NCKAP5: variants seen among roughly 807,000 people sequenced by gnomAD.
NCKAP5 encodes NCK associated protein 5, also known as nck-associated protein 5.
NCKAP5 carries 92 observed loss-of-function variants against 167.0 expected under a neutral mutation model. The observed-to-expected ratio is 0.55, with a 90% confidence interval of 0.47 to 0.66. The LOEUF is 0.66. Ranked by LOEUF, NCKAP5 falls within the 30% of genes least tolerant of loss-of-function variation. The pLI, the probability that NCKAP5 is intolerant of heterozygous loss-of-function variation, is 0.00. For synonymous variants in NCKAP5, 891 were observed against 877.4 expected (o/e 1.02, Z -0.27); for missense variants, 2,378 against 2,315.0 (o/e 1.03, Z -0.56).
chr2:132,755,785 C>T (rs1206358531), intron 16 of NCKAP5, among the ~76,000 whole-genome samples: 15 of 150,644 alleles, frequency 1.0e-4, no homozygotes, highest in South Asian at 2.1e-4. Context: ...GAGCCGAGAT[C>T]GTGCCGCTAC....
intron 11 of NCKAP5, among the ~76,000 whole-genome samples, chr2:132,813,984 G>A (rs1460247269): frequency 6.6e-6 from 1 of 152,198 alleles, no homozygotes; most frequent in Non-Finnish European, 1.5e-5. Flanking sequence ...TGACTTTCGT[G>A]ATGTGCACTC....
rs1165568563 is a variant in NCKAP5, at chr2:133,330,053, CTTTTTTTTTTTTT to C, written c.70-26956_70-26944del. 2.8e-3 allele frequency among the ~76,000 whole-genome samples: 239 copies of C among 85,706 alleles called. 4 individuals are homozygous for C. Among genetic ancestry groups the C allele is most frequent in the Non-Finnish European group, 3.9e-3 (170 of 43,192 alleles). 56.2% of individuals were successfully genotyped at this position (85,706 alleles called of 152,430 possible). On this transcript the variant is annotated intron_variant, in intron 3 of 19. Coordinates refer to ENST00000409261, the MANE Select transcript of NCKAP5 (RefSeq NM_207363.3). Reference sequence around the variant, plus strand: ...GGGAATGTGGCCAAGAAAGCAAGACCTTTTTTTTTTTTTTTTTTTTTTTTTTTTTCTGAGACAG... The same window carrying C: ...GGGAATGTGGCCAAGAAAGCAAGACCTTTTTTTTTTTTTTTTCTGAGACAG...
intron 6 of NCKAP5, among the ~76,000 whole-genome samples, chr2:132,994,972 G>A (rs2077551643): frequency 7.0e-6 from 1 of 142,106 alleles, no homozygotes; most frequent in Admixed American, 6.7e-5. Flanking sequence ...TGTAGAAAAG[G>A]TACAGGAAAA....
chr2:133,435,518 C>T, intron 3 of NCKAP5, among the ~76,000 whole-genome samples: 1 of 152,156 alleles, frequency 6.6e-6, no homozygotes, highest in Non-Finnish European at 1.5e-5. Flanking sequence ...CTCCAGGGCT[C>T]ACTGTACTCT....
At chr2:133,466,157 T>G (rs1290867819) in intron 3 of NCKAP5, among the ~76,000 whole-genome samples, 29 of 144,326 alleles carry the variant, frequency 2.0e-4, no homozygotes, top group South Asian at 4.5e-4. Flanking sequence ...AACGTTTAAG[T>G]CTTTAATCCA....
intron 8 of NCKAP5, among the ~76,000 whole-genome samples, chr2:132,900,458 CCACA>C (rs143692997): frequency 2.0e-5 from 3 of 151,940 alleles, no homozygotes; most frequent in African/African-American, 7.2e-5. Flanking sequence ...ACACATACAA[CCACA>C]CACACACAAA....
intron 5 of NCKAP5, among the ~76,000 whole-genome samples, chr2:133,130,740 G>A (rs979654406): frequency 6.6e-6 from 1 of 152,188 alleles, no homozygotes; most frequent in Non-Finnish European, 1.5e-5. Flanking sequence ...CAGAATAGAC[G>A]GTTCAGCAGA....
At chr2:132,894,910 A>T (rs1693021643) in intron 8 of NCKAP5, among the ~76,000 whole-genome samples, 8 of 152,278 alleles carry the variant, frequency 5.3e-5, no homozygotes, top group Admixed American at 5.2e-4. Context: ...GACAGGGTGC[A>T]GTAGGGGTAA....
chr2:133,590,214 G>C, the NCKAP5 span, among the ~76,000 whole-genome samples: 263 of 152,208 alleles, frequency 1.7e-3, 1 homozygote, highest in Admixed American at 3.5e-3. Context: ...GTGGTGGCCG[G>C]GCGCGGTGGC....
intron 6 of NCKAP5, among the ~76,000 whole-genome samples, chr2:133,063,848 A>AT (rs751913607): frequency 9.9e-5 from 15 of 152,208 alleles, no homozygotes; most frequent in Non-Finnish European, 2.1e-4. Context: ...TAACTGATAT[A>AT]TTTGTGGGGA....
At chr2:133,092,366 G>A (rs1574004632) in intron 6 of NCKAP5, among the ~76,000 whole-genome samples, 1 of 152,152 alleles carries the variant, frequency 6.6e-6, no homozygotes, top group East Asian at 1.9e-4. Context: ...AGGATTGCCG[G>A]TAACACCAGA....
At chr2:132,804,462 T>C (rs1316941176) in intron 11 of NCKAP5, among the ~76,000 whole-genome samples, 1 of 152,206 alleles carries the variant, frequency 6.6e-6, no homozygotes, top group Admixed American at 6.5e-5. Flanking sequence ...TCAAGCTTTA[T>C]TTTTGAAAAG....
In NCKAP5 at chr2:132,782,139, G is replaced by C. The variant is rs376601029; in HGVS notation, c.4672C>G (p.Pro1558Ala). 2.5e-5 allele frequency: 41 copies of C among 1,610,892 alleles called. No individual in the cohort carries two copies. In the East Asian group the frequency reaches 3.8e-4, roughly 15 times the overall value. ...TTTTCTGTCTCACACTGTAGTTCAG[G>C]CTTCTTTTTCTCTTTTTTTCTTTCT... Reference protein sequence around the residue: ...KSERKKEKKKPELQCETENEL... With the variant: ...KSERKKEKKKAELQCETENEL... The change falls in exon 14 of 20, where the codon CCT becomes GCT. Residue 1558 changes from proline (P) to alanine (A), a missense_variant. Physicochemically the swap from Pro to Ala is conservative, Grantham distance 27. Coordinates refer to ENST00000409261, the MANE Select transcript of NCKAP5 (RefSeq NM_207363.3).
intron 6 of NCKAP5, among the ~76,000 whole-genome samples, chr2:133,046,073 C>T (rs2079390240): frequency 6.6e-6 from 1 of 152,076 alleles, no homozygotes; most frequent in African/African-American, 2.4e-5. Flanking sequence ...TCATCAAGCT[C>T]CTCAGAAGAG....
chr2:132,871,433 T>C (rs1380353428), intron 9 of NCKAP5, among the ~76,000 whole-genome samples: 2 of 152,242 alleles, frequency 1.3e-5, no homozygotes, highest in Non-Finnish European at 2.9e-5. Context: ...TCTCAAACTT[T>C]GGATTTGATT....
At chr2:133,089,962 A>T (rs2149629870) in intron 6 of NCKAP5, among the ~76,000 whole-genome samples, 1 of 152,260 alleles carries the variant, frequency 6.6e-6, no homozygotes, top group Middle Eastern at 3.4e-3. Flanking sequence ...TCTCCCCTAT[A>T]GCTTAGAATC....
intron 6 of NCKAP5, among the ~76,000 whole-genome samples, chr2:133,045,395 A>C (rs934139835): frequency 1.3e-5 from 2 of 150,356 alleles, no homozygotes; most frequent in African/African-American, 5.0e-5. Context: ...ATATATATAT[A>C]CATAATTAAG....
the NCKAP5 span, among the ~76,000 whole-genome samples, chr2:133,662,335 G>A: frequency 6.6e-6 from 1 of 151,914 alleles, no homozygotes; most frequent in Non-Finnish European, 1.5e-5. Flanking sequence ...GGGTTATCAA[G>A]TGTACAAAAG....
intron 6 of NCKAP5, among the ~76,000 whole-genome samples, chr2:133,026,094 T>C (rs979054685): frequency 1.3e-5 from 2 of 152,180 alleles, no homozygotes; most frequent in Admixed American, 6.6e-5. Context: ...TCTCTAATGA[T>C]CAGTGATGTT....
Sources: allele counts gnomAD v4.1 joint callset (sites outside exome capture counted in the v4.1 genomes callset), GRCh38; gene constraint gnomAD v4.1.1; transcripts MANE v1.5; gene names NCBI Gene and HGNC (gene_info 2026-07-23, HGNC 2026-07-21).